The following CCDC33 variants were observed in gnomAD, a reference collection of about 807,000 sequenced individuals.
CCDC33 encodes coiled-coil domain containing 33.
Under a neutral mutation model 91.9 loss-of-function variants are expected in CCDC33, and 94 were observed. The observed-to-expected ratio is 1.02, with a 90% CI of 0.87 to 1.21. CCDC33 has a LOEUF of 1.21. Ranked by LOEUF, CCDC33 falls within the 50% of genes most tolerant of loss-of-function variation. CCDC33 has a pLI of 0.00. For synonymous variants in CCDC33, 396 were observed against 374.5 expected (o/e 1.06, Z -0.66); for missense variants, 940 against 935.5 (o/e 1.00, Z -0.06).
chr15:74,230,570 A>G (rs1012080131), intron 2 of CCDC33, among the ~76,000 whole-genome samples: 7 of 152,204 alleles, frequency 4.6e-5, no homozygotes, highest in Non-Finnish European at 8.8e-5. Flanking sequence ...ATCCTTCAAC[A>G]TGGCAATCCA....
intron 2 of CCDC33, among the ~76,000 whole-genome samples, chr15:74,247,157 G>T (rs566918050): frequency 6.7e-6 from 1 of 149,324 alleles, no homozygotes; most frequent in East Asian, 2.0e-4. Context: ...AAAAAAAAAA[G>T]TAAAAGAAAA....
intron 11 of CCDC33, among the ~76,000 whole-genome samples, chr15:74,310,478 A>G (rs1306495725): frequency 6.6e-6 from 1 of 150,902 alleles, no homozygotes; most frequent in African/African-American, 2.4e-5. Context: ...CAGAGGTTGC[A>G]GTGAGCCGAG....
At chr15:74,305,430 G>C (rs182898269) in intron 11 of CCDC33, among the ~76,000 whole-genome samples, 64 of 152,284 alleles carry the variant, frequency 4.2e-4, no homozygotes, top group Admixed American at 2.5e-3. Flanking sequence ...GAGAGGGGAG[G>C]CTTCCATAGA....
chr15:74,239,781 C>A (rs1234003062), intron 1 of CCDC33, among the ~76,000 whole-genome samples: 1 of 152,224 alleles, frequency 6.6e-6, no homozygotes, highest in East Asian at 1.9e-4. Flanking sequence ...ATTCCCTCCC[C>A]AGGGCTCACC....
At chr15:74,211,751 CT>C (rs2074371244) in intron 2 of CCDC33, among the ~76,000 whole-genome samples, 2 of 152,032 alleles carry the variant, frequency 1.3e-5, no homozygotes. Context: ...CTTTCTGCCC[CT>C]GTCCATCAGT....
At chr15:74,270,414 A>G (rs2142423804) in intron 5 of CCDC33, among the ~76,000 whole-genome samples, 1 of 152,244 alleles carries the variant, frequency 6.6e-6, no homozygotes, top group East Asian at 1.9e-4. Context: ...GCAAGAAGAC[A>G]GGGGCTGGGG....
At position 74,218,948 on chromosome 15, in the gene CCDC33, C is replaced by T; in HGVS notation, c.675+87C>T. ...GTGATAAGCCAGGCTACCCCCTGTC[C>T]TGAGCTGAGCTGAGCAGAGCAGCAG... On this transcript the variant is annotated intron_variant, in intron 2 of 2. Coordinates refer to the CCDC33 transcript ENST00000635913. This position sits in a 1 kb window ranked among gnomAD's most constrained non-coding sequence, Gnocchi z 4.8. 1 of 1,160,152 alleles carries T rather than the reference C, an allele frequency of 8.6e-7. No individual in the cohort carries two copies. The highest frequency in any genetic ancestry group is 1.1e-6 in the Non-Finnish European group (1 of 915,436). The allele number at this position is 1,160,152 out of a possible 1,614,324, so 71.9% of individuals were successfully genotyped here.
In CCDC33 at chr15:74,320,699, A is replaced by G. The variant is rs536630824; in HGVS notation, c.1291-9490A>G. On this transcript the variant is annotated intron_variant, in intron 11 of 18. Transcript: ENST00000398814. ...GCTCCCACCCCCAGGGCAATGCCAC[A>G]TCGCACAGACCACCCTGCCCTCACC... is the stretch of plus-strand genomic sequence containing the variant. Among the ~76,000 whole-genome samples the G allele has an allele frequency of 1.9e-4, 29 of 152,246 alleles. No homozygotes were observed. In the East Asian group the frequency reaches 4.1e-3, roughly 21 times the overall value.
At chr15:74,227,804 T>C (rs1196169524) in intron 2 of CCDC33, among the ~76,000 whole-genome samples, 1 of 152,176 alleles carries the variant, frequency 6.6e-6, no homozygotes, top group East Asian at 1.9e-4. Flanking sequence ...ATTTTACTTC[T>C]CTGACTATTT....
At chr15:74,237,199 T>C (rs1198371182) in intron 1 of CCDC33, among the ~76,000 whole-genome samples, 1 of 152,246 alleles carries the variant, frequency 6.6e-6, no homozygotes, top group African/African-American at 2.4e-5. Context: ...CTTGGGTCTC[T>C]GAAGAGAAGG....
intron 2 of CCDC33, among the ~76,000 whole-genome samples, chr15:74,248,132 T>C (rs1329164779): frequency 6.6e-6 from 1 of 152,082 alleles, no homozygotes; most frequent in African/African-American, 2.4e-5. Flanking sequence ...AGATTTTAAG[T>C]GTTTTCACCA....
chr15:74,331,232 G>A lies in CCDC33; in HGVS notation c.1707G>A (p.Glu569=). The part of the protein sequence containing the change: ...KVIEKMERVL[E]DRLQDRSKPP... ...TCGAGAAGATGGAGCGGGTGCTGGA[G>A]GACAGGCTGCAGGACAGGAGCAAGC... Residue 569 remains glutamate (E), a synonymous_variant, in exon 15 of 19, where the codon GAG becomes GAA. Coordinates refer to ENST00000398814, the MANE Select transcript of CCDC33 (RefSeq NM_025055.5). 1 of 1,614,184 alleles carries A rather than the reference G, an allele frequency of 6.2e-7. No individual in the cohort carries two copies. The highest frequency in any genetic ancestry group is 8.5e-7 in the Non-Finnish European group (1 of 1,180,020).
Position 74,316,343 on chromosome 15 carries a change from C to A in CCDC33, c.1291-13846C>A, listed in dbSNP as rs1658458922. 1.3e-5 allele frequency among the ~76,000 whole-genome samples: 2 copies of A among 152,234 alleles called. No homozygotes were observed. ...GAAGACTGCCATGTCTGGGGCCAGG[C>A]TGAGCTCAGTGCATGCCTCTGCGTA... On this transcript the variant is annotated intron_variant, in intron 11 of 18. Coordinates refer to ENST00000398814, the MANE Select transcript of CCDC33 (RefSeq NM_025055.5). The surrounding 1 kb of genome is among the most constrained non-coding windows in gnomAD (Gnocchi z 4.7).
At chr15:74,210,833 T>C (rs2074356168) in intron 2 of CCDC33, among the ~76,000 whole-genome samples, 1 of 152,262 alleles carries the variant, frequency 6.6e-6, no homozygotes, top group East Asian at 1.9e-4. Flanking sequence ...GGTTGTGTTC[T>C]CAAAAAGAGA....
Position 74,236,680 on chromosome 15 carries a change from A to G in CCDC33, c.-40A>G, listed in dbSNP as rs746160774. 13 of 1,610,098 alleles carry G rather than the reference A, an allele frequency of 8.1e-6. No homozygotes were observed. The highest frequency in any genetic ancestry group is 4.2e-6 in the Non-Finnish European group (5 of 1,177,264). ...CACTGATACCAAGTACTCATCCCCA[A>G]GATTGTTAAACAAGGCCAGACACTC... On this transcript the variant is annotated 5_prime_UTR_variant, in exon 1 of 19. Transcript: ENST00000398814.
chr15:74,227,042 G>A (rs950876591), intron 2 of CCDC33, among the ~76,000 whole-genome samples: 25 of 152,214 alleles, frequency 1.6e-4, no homozygotes, highest in African/African-American at 6.0e-4. Flanking sequence ...GCTGCTCTGG[G>A]CCAGGCTGGC....
chr15:74,271,716 G>C lies in CCDC33; in HGVS notation c.560G>C (p.Gly187Ala), dbSNP rs1397032508. The C allele has an allele frequency of 6.2e-7, 1 of 1,613,484 alleles. No individual in the cohort carries two copies. ...TCTCCTCTCCAGATCTTTCTCCGGG[G>C]AGTCAACGAGCCCCTGGCCAACAAC... Reference protein sequence around the residue: ...NHMALEIFLRGVNEPLANNPN... With the variant: ...NHMALEIFLRAVNEPLANNPN... Residue 187 changes from glycine to alanine, a missense_variant, in exon 6 of 19, where the codon GGA becomes GCA. By Grantham distance (60) the Gly-to-Ala change is moderately conservative (BLOSUM62 0). Coordinates refer to ENST00000398814, the MANE Select transcript of CCDC33 (RefSeq NM_025055.5).
chr15:74,334,732 G>A (rs761016424), intron 17 of CCDC33, among the ~76,000 whole-genome samples: 5 of 152,126 alleles, frequency 3.3e-5, no homozygotes, highest in Non-Finnish European at 7.3e-5. Flanking sequence ...GGATCAGTGT[G>A]GACTCAGGAT....
intron 2 of CCDC33, among the ~76,000 whole-genome samples, chr15:74,254,123 C>T (rs561779665): frequency 6.6e-6 from 1 of 152,162 alleles, no homozygotes; most frequent in East Asian, 1.9e-4. Flanking sequence ...ACCTCTGCCT[C>T]CCAGGTTCAA....
Sources: allele counts gnomAD v4.1 joint callset (sites outside exome capture counted in the v4.1 genomes callset), GRCh38; gene constraint gnomAD v4.1.1; non-coding constraint Gnocchi (gnomAD v3.1); transcripts MANE v1.5; gene names NCBI Gene and HGNC (gene_info 2026-07-23, HGNC 2026-07-21).